Variants in DLGAP2 observed in about 807,000 individuals in gnomAD.
The protein encoded by DLGAP2 is disks large-associated protein 2.
Under a neutral mutation model 100.3 loss-of-function variants are expected in DLGAP2, and 26 were observed. The observed-to-expected ratio is 0.26, with a 90% CI of 0.19 to 0.36. The LOEUF (loss-of-function observed/expected upper bound fraction) is 0.36. Ranked by LOEUF, DLGAP2 falls within the 10% of genes least tolerant of loss-of-function variation. The pLI is 1.00. For missense variants in DLGAP2, 1,858 were observed against 1,453.2 expected (o/e 1.28, Z -4.53); for synonymous variants, 886 against 630.1 (o/e 1.41, Z -6.08).
chr8:823,991 C>G (rs1039106526), intron 1 of DLGAP2, among the ~76,000 whole-genome samples: 1 of 152,194 alleles, frequency 6.6e-6, no homozygotes, highest in African/African-American at 2.4e-5. Context: ...GTCACGTCCC[C>G]TAACTCCGAA....
chr8:1,329,079 G>A (rs2117054380), intron 3 of DLGAP2, among the ~76,000 whole-genome samples: 1 of 150,748 alleles, frequency 6.6e-6, no homozygotes, highest in East Asian at 1.9e-4. Context: ...GGCGACAGGT[G>A]ACAAGCGACA....
intron 2 of DLGAP2, among the ~76,000 whole-genome samples, chr8:972,015 G>C (rs1464230668): frequency 6.6e-6 from 1 of 152,152 alleles, no homozygotes; most frequent in Non-Finnish European, 1.5e-5. Flanking sequence ...TGGAACTAGA[G>C]CTGAAAGGGG....
intron 3 of DLGAP2, among the ~76,000 whole-genome samples, chr8:1,268,930 G>A (rs771185649): frequency 1.1e-4 from 17 of 152,130 alleles, no homozygotes; most frequent in African/African-American, 3.4e-4. Flanking sequence ...CAGAGCCAAC[G>A]GCAGTGGAAC....
At chr8:1,052,305 C>G (rs948227811) in intron 2 of DLGAP2, among the ~76,000 whole-genome samples, 28 of 152,224 alleles carry the variant, frequency 1.8e-4, no homozygotes, top group Non-Finnish European at 3.7e-4. Flanking sequence ...TGAGGACATA[C>G]TTTACATGCA....
At chr8:1,626,715 T>C in intron 6 of DLGAP2, 25 bp from the exon 7 acceptor site, 2 of 1,578,622 alleles carry the variant, frequency 1.3e-6, no homozygotes, top group Non-Finnish European at 1.7e-6. Context: ...ACAGAATGCC[T>C]TTTCTCCTTT....
At chr8:1,276,801 G>T (rs1799707161) in intron 3 of DLGAP2, among the ~76,000 whole-genome samples, 1 of 151,964 alleles carries the variant, frequency 6.6e-6, no homozygotes, top group Admixed American at 6.5e-5. Flanking sequence ...ATTTTATACT[G>T]GCAAAAAGAA....
intron 3 of DLGAP2, among the ~76,000 whole-genome samples, chr8:1,323,095 A>T (rs1369287188): frequency 6.7e-6 from 1 of 149,834 alleles, no homozygotes. Context: ...CAATGGCGTG[A>T]TCTCGGTTCA....
At chr8:897,776 G>A (rs1798172902) in intron 1 of DLGAP2, among the ~76,000 whole-genome samples, 1 of 152,116 alleles carries the variant, frequency 6.6e-6, no homozygotes, top group Non-Finnish European at 1.5e-5. Flanking sequence ...TCTGTTCAAC[G>A]GCTTTTCCTT....
chr8:974,636 C>T (rs1800116817), intron 2 of DLGAP2, among the ~76,000 whole-genome samples: 1 of 152,124 alleles, frequency 6.6e-6, no homozygotes, highest in South Asian at 2.1e-4. Context: ...AAACAACATA[C>T]TTCTAAATAA....
At chr8:1,583,722 C>T (rs768024155) in intron 6 of DLGAP2, among the ~76,000 whole-genome samples, 17 of 152,118 alleles carry the variant, frequency 1.1e-4, no homozygotes, top group South Asian at 4.1e-4. Flanking sequence ...CTCCTAGCAC[C>T]TCTCGGCCAC....
intron 2 of DLGAP2, among the ~76,000 whole-genome samples, chr8:1,088,148 G>A (rs747923478): frequency 3.9e-5 from 6 of 152,236 alleles, no homozygotes; most frequent in Admixed American, 6.5e-5. Context: ...GCGGCTGCTG[G>A]TCCACCTTCC....
rs937485628 is a variant in DLGAP2, at chr8:1,172,192, A to G, written c.74-86659A>G. On this transcript the variant is annotated intron_variant, in intron 2 of 14. Transcript: ENST00000637795. ...TTCTGGGTTGAAAATTCTTTTCTTTAAGAATGTTGAATATTGGCCCCCACT... is the reference window on the plus strand; with the variant it reads ...TTCTGGGTTGAAAATTCTTTTCTTTGAGAATGTTGAATATTGGCCCCCACT... 6.3e-3 allele frequency among the ~76,000 whole-genome samples: 960 copies of G among 152,106 alleles called. 13 individuals carry two copies. The highest frequency in any genetic ancestry group is 0.022 in the African/African-American group (907 of 41,488).
intron 2 of DLGAP2, among the ~76,000 whole-genome samples, chr8:1,187,863 C>G (rs62489005): frequency 1.4e-5 from 1 of 71,524 alleles, no homozygotes; most frequent in Non-Finnish European, 2.6e-5. Flanking sequence ...ACCCGGGACC[C>G]CCGTGACGTT....
chr8:1,143,613 C>G (rs1453527960), intron 2 of DLGAP2, among the ~76,000 whole-genome samples: 1 of 152,186 alleles, frequency 6.6e-6, no homozygotes, highest in Non-Finnish European at 1.5e-5. Flanking sequence ...AAGTGCAGTT[C>G]TGCAGGCGGC....
chr8:881,854 T>G (rs189893103), intron 1 of DLGAP2, among the ~76,000 whole-genome samples: 141 of 152,120 alleles, frequency 9.3e-4, no homozygotes, highest in Non-Finnish European at 1.5e-3. Flanking sequence ...CCCTGTCACT[T>G]TGTTCCCAGA....
At chr8:1,548,342 C>G (rs1584914429) in intron 4 of DLGAP2, among the ~76,000 whole-genome samples, 1 of 150,258 alleles carries the variant, frequency 6.7e-6, no homozygotes, top group Non-Finnish European at 1.5e-5. Context: ...GCCTGTAGTC[C>G]CAGCTACTCG....
chr8:1,253,038 C>G (rs144054309), intron 2 of DLGAP2, among the ~76,000 whole-genome samples: 1 of 152,338 alleles, frequency 6.6e-6, no homozygotes, highest in African/African-American at 2.4e-5. Context: ...CGCTGTCCCT[C>G]CGCTGCTTGC....
intron 2 of DLGAP2, among the ~76,000 whole-genome samples, chr8:1,040,700 G>A (rs80236883): frequency 0.034 from 5,100 of 152,098 alleles, 212 homozygotes; most frequent in East Asian, 0.14. Context: ...GGTCGGCTCG[G>A]TGTGCATGGT....
At chr8:1,676,501 G>A in intron 10 of DLGAP2, 32 bp from the exon 11 acceptor site, 2 of 1,600,564 alleles carry the variant, frequency 1.2e-6, no homozygotes, top group South Asian at 2.3e-5. Context: ...CCATGTTTCA[G>A]TTCTAAAATA....
Sources: gnomAD v4.1 joint callset for allele counts (sites outside exome capture counted in the v4.1 genomes callset) on GRCh38, gnomAD v4.1.1 for gene constraint, MANE v1.5 for transcripts, NCBI Gene and HGNC (gene_info 2026-07-23, HGNC 2026-07-21) for gene names.